The following CORO2A variants were observed in gnomAD, a reference collection of about 807,000 sequenced individuals.
The protein encoded by CORO2A is coronin 2A, also known as coronin-2A.
In CORO2A, 47 loss-of-function variants were observed where a neutral mutation model predicts 62.4. That is an observed-to-expected ratio of 0.75 (90% CI 0.60 to 0.96). CORO2A has a LOEUF of 0.96. Ranked by LOEUF, CORO2A falls within the 40% of genes least tolerant of loss-of-function variation. CORO2A has a pLI of 0.00. For missense variants in CORO2A, 610 were observed against 684.1 expected (o/e 0.89, Z 1.21); for synonymous variants, 273 against 268.9 (o/e 1.02, Z -0.15).
chr9:98,152,566 G>A (rs187436328), intron 2 of CORO2A, among the ~76,000 whole-genome samples: 4 of 152,288 alleles, frequency 2.6e-5, no homozygotes, highest in Admixed American at 1.3e-4. Flanking sequence ...CCATAGGTGT[G>A]AGCCACCCTG....
chr9:98,153,649 AACACACACACACACACACAC>A (rs55685018), intron 2 of CORO2A, among the ~76,000 whole-genome samples: 13 of 133,972 alleles, frequency 9.7e-5, no homozygotes, highest in African/African-American at 1.7e-4. Flanking sequence ...TCTGTTTCCA[AACACACACACACACACACAC>A]ACACACACAC....
intron 2 of CORO2A, among the ~76,000 whole-genome samples, chr9:98,151,545 CT>C (rs1472525632): frequency 6.6e-6 from 1 of 152,206 alleles, no homozygotes; most frequent in African/African-American, 2.4e-5. Context: ...TCCAAATACT[CT>C]TATTTTTCTA....
At chr9:98,191,552 A>G (rs532038016) in intron 1 of CORO2A, among the ~76,000 whole-genome samples, 4 of 152,298 alleles carry the variant, frequency 2.6e-5, no homozygotes, top group African/African-American at 9.6e-5. Context: ...GTGACTGGGT[A>G]GCAGATTCCA....
At chr9:98,134,683 G>T in intron 4 of CORO2A, 123 bp downstream of exon 4, 1 of 1,146,246 alleles carries the variant, frequency 8.7e-7, no homozygotes, top group Non-Finnish European at 1.2e-6. Context: ...GAGGGAGCTG[G>T]CTCTCCCAAC....
At position 98,133,013 on chromosome 9, in the gene CORO2A, A is replaced by C. The variant is rs781700479; in HGVS notation, c.648+25T>G. 5.6e-6 allele frequency: 9 copies of C among 1,612,998 alleles called. No individual in the cohort carries two copies. In the South Asian group the frequency reaches 9.9e-5, roughly 18 times the overall value. On this transcript the variant is annotated intron_variant, in intron 5 of 11. Transcript: ENST00000375077. Reference sequence around the variant, plus strand: ...TCTGCTCCTTGCTCCTCTGAGCCTGAGCCAGCCCCTGGCCCAGAACTGACC... The same window carrying C: ...TCTGCTCCTTGCTCCTCTGAGCCTGCGCCAGCCCCTGGCCCAGAACTGACC...
In CORO2A at chr9:98,124,827, T is replaced by C. The variant is rs1424230619; in HGVS notation, c.1525A>G (p.Lys509Glu). The stretch of plus-strand genomic sequence containing the variant: ...TTTTTGATCTCCAGTTCCAACTGTT[T>C]GGCCTGGACCTCTCGCTGGGTCAAC... ...ELLTQREVQAKQLELEIKNLR... is the reference protein window; with the variant it reads ...ELLTQREVQAEQLELEIKNLR... The change falls in exon 12 of 12, where the codon AAA becomes GAA. Residue 509 changes from lysine to glutamate, a missense_variant. Transcript: ENST00000375077. 6 of 1,609,484 alleles carry C rather than the reference T, an allele frequency of 3.7e-6. No homozygotes were observed. The highest frequency in any genetic ancestry group is 8.5e-7 in the Non-Finnish European group (1 of 1,177,658).
intron 1 of CORO2A, among the ~76,000 whole-genome samples, chr9:98,169,509 T>C (rs1828005267): frequency 6.6e-6 from 1 of 151,846 alleles, no homozygotes; most frequent in Non-Finnish European, 1.5e-5. Flanking sequence ...GCCTCGCATA[T>C]TCCACCCCCA....
At chr9:98,129,677 C>T in intron 8 of CORO2A, 117 bp downstream of exon 8, 1 of 758,100 alleles carries the variant, frequency 1.3e-6, no homozygotes, top group Non-Finnish European at 2.3e-6. Flanking sequence ...TCTCTCCTCC[C>T]ATCTGACTCA....
chr9:98,178,184 C>T (rs1453617029), intron 1 of CORO2A, among the ~76,000 whole-genome samples: 11 of 152,052 alleles, frequency 7.2e-5, no homozygotes, highest in Admixed American at 7.2e-4. Context: ...GTAGCTGGGA[C>T]CACAGGCATG....
chr9:98,125,389 G>A (rs1050917010), intron 11 of CORO2A, among the ~76,000 whole-genome samples: 1 of 152,104 alleles, frequency 6.6e-6, no homozygotes, highest in African/African-American at 2.4e-5. Flanking sequence ...TGTCCCCACC[G>A]TACCACCGTG....
chr9:98,128,636 C>T lies in CORO2A; in HGVS notation c.1051G>A (p.Glu351Lys), dbSNP rs779898610. The T allele has an allele frequency of 1.2e-5, 19 of 1,614,138 alleles. No individual in the cohort carries two copies. Among genetic ancestry groups the T allele is most frequent in the Non-Finnish European group, 1.4e-5 (17 of 1,180,034 alleles). Residue 351 changes from glutamate (E) to lysine (K), a missense_variant, in exon 9 of 12, where the codon GAG (glutamate) becomes AAG (lysine). Transcript: ENST00000375077. ...CGGGGCACAATCATGGAGATGGGCT[C>T]GATGAGGCTTTTGGTTGTGATCAGC... is the stretch of plus-strand genomic sequence containing the variant. ...YKLITTKSLI[E>K]PISMIVPRRS...
At chr9:98,144,780 A>G (rs569012466) in intron 2 of CORO2A, among the ~76,000 whole-genome samples, 4 of 152,114 alleles carry the variant, frequency 2.6e-5, no homozygotes, top group Non-Finnish European at 5.9e-5. Context: ...TGAAGCAGCC[A>G]GCGGGCACGG....
intron 1 of CORO2A, among the ~76,000 whole-genome samples, chr9:98,173,861 A>C (rs573576107): frequency 2.3e-4 from 35 of 152,072 alleles, no homozygotes; most frequent in Non-Finnish European, 4.3e-4. Context: ...TCACGCCTGT[A>C]ATCTCAGCAC....
intron 1 of CORO2A, among the ~76,000 whole-genome samples, chr9:98,186,838 T>C (rs1402027790): frequency 1.3e-5 from 2 of 152,122 alleles, no homozygotes; most frequent in Admixed American, 1.3e-4. Context: ...ATCCTCCTCC[T>C]GCTCACCTGG....
chr9:98,126,899 C>A, intron 10 of CORO2A, 76 bp from the exon 11 acceptor site: 1 of 1,511,356 alleles, frequency 6.6e-7, no homozygotes, highest in Non-Finnish European at 9.1e-7. Context: ...ATGACACAGG[C>A]AGGCATGCAG....
chr9:98,185,752 T>C (rs1199503357), intron 1 of CORO2A, among the ~76,000 whole-genome samples: 1 of 152,228 alleles, frequency 6.6e-6, no homozygotes, highest in Non-Finnish European at 1.5e-5. Flanking sequence ...CACTTCTTAC[T>C]TCATCCTGTG....
intron 11 of CORO2A, among the ~76,000 whole-genome samples, chr9:98,125,748 C>G (rs1281426969): frequency 8.1e-6 from 1 of 123,616 alleles, no homozygotes; most frequent in African/African-American, 3.2e-5. Flanking sequence ...GACAGAGTCT[C>G]ACTCTGTTGC....
chr9:98,128,683 C>G lies in CORO2A; in HGVS notation c.1004G>C (p.Cys335Ser). ...MPKRGLDVSS[C>S]EIFRFYKLIT... ...CAGCTTGTAGAAGCGGAAGATCTCGCAGGAGGACACGTCGAGTCCTCTCTT... is the reference window on the plus strand; with the variant it reads ...CAGCTTGTAGAAGCGGAAGATCTCGGAGGAGGACACGTCGAGTCCTCTCTT... Residue 335 changes from cysteine to serine, a missense_variant, in exon 9 of 12, where the codon TGC becomes TCC. By Grantham distance (112) the Cys-to-Ser change is moderately radical. Coordinates refer to ENST00000375077, the MANE Select transcript of CORO2A (RefSeq NM_052820.4). The G allele has an allele frequency of 1.2e-6, 2 of 1,614,188 alleles. No homozygotes were observed. The highest frequency in any genetic ancestry group is 1.7e-6 in the Non-Finnish European group (2 of 1,180,032).
chr9:98,166,456 A>C (rs1210963787), intron 1 of CORO2A, among the ~76,000 whole-genome samples: 1 of 152,250 alleles, frequency 6.6e-6, no homozygotes, highest in East Asian at 1.9e-4. Flanking sequence ...AATATTTGCA[A>C]ATCCATATGA....
Sources: gnomAD v4.1 joint callset for allele counts (sites outside exome capture counted in the v4.1 genomes callset) on GRCh38, gnomAD v4.1.1 for gene constraint, MANE v1.5 for transcripts, NCBI Gene and HGNC (gene_info 2026-07-23, HGNC 2026-07-21) for gene names.